CD8B2: variants seen among roughly 807,000 people sequenced by gnomAD.
CD8B2 encodes CD8B family member 2, also known as T-cell surface glycoprotein CD8 beta-2 chain.
In CD8B2, 11 loss-of-function variants were observed where a neutral mutation model predicts 23.7. That is an observed-to-expected ratio of 0.46 (90% CI 0.29 to 0.77). The LOEUF is 0.77. Ranked by LOEUF, CD8B2 falls within the 30% of genes least tolerant of loss-of-function variation. The probability of loss-of-function intolerance (pLI) is 0.09; values close to 1 mark genes in which losing one functional copy is unlikely to be tolerated. For synonymous variants in CD8B2, 90 were observed against 109.3 expected, an observed-to-expected ratio of 0.82 and a Z score of 1.10; for missense variants, 197 against 270.5, an observed-to-expected ratio of 0.73 and a Z score of 1.91.
intron 1 of CD8B2, among the ~76,000 whole-genome samples, chr2:106,488,865 T>G (rs1397623307): frequency 6.6e-6 from 1 of 151,846 alleles, no homozygotes. Context: ...CCCCAAGAAG[T>G]GAGTGACCCA....
intron 1 of CD8B2, among the ~76,000 whole-genome samples, chr2:106,488,807 A>G (rs1475216606): frequency 7.1e-6 from 1 of 141,058 alleles, no homozygotes. Flanking sequence ...TGTATGCGCC[A>G]TGCCAGGCAC....
intron 5 of CD8B2, among the ~76,000 whole-genome samples, chr2:106,534,526 A>G (rs1047328170): frequency 2.0e-5 from 3 of 152,224 alleles, no homozygotes; most frequent in African/African-American, 7.2e-5. Flanking sequence ...GCTGTTGTCA[A>G]TATTCACAAC....
chr2:106,537,803 T>C (rs1272672568), intron 5 of CD8B2, among the ~76,000 whole-genome samples: 1 of 152,148 alleles, frequency 6.6e-6, no homozygotes, highest in African/African-American at 2.4e-5. Flanking sequence ...GTTCTGAAGA[T>C]AAAGTTAGCA....
At chr2:106,520,868 TCAAAA>T (rs1250204054) in intron 5 of CD8B2, among the ~76,000 whole-genome samples, 1 of 148,478 alleles carries the variant, frequency 6.7e-6, no homozygotes, top group Non-Finnish European at 1.5e-5. Context: ...AGACTCTGTC[TCAAAA>T]CAAAACAAAA....
At chr2:106,504,476 A>T (rs918945525) in intron 5 of CD8B2, among the ~76,000 whole-genome samples, 151 bp downstream of exon 5, 5 of 152,024 alleles carry the variant, frequency 3.3e-5, no homozygotes, top group African/African-American at 1.2e-4. Context: ...AGTCACAGCT[A>T]CTCGGGAGCT....
chr2:106,505,992 G>A (rs1470318633), intron 5 of CD8B2, among the ~76,000 whole-genome samples: 1 of 152,136 alleles, frequency 6.6e-6, no homozygotes, highest in African/African-American at 2.4e-5. Context: ...AATTAACTGG[G>A]CGTGGTGGCG....
intron 5 of CD8B2, among the ~76,000 whole-genome samples, chr2:106,506,236 C>T (rs2078835111): frequency 6.6e-6 from 1 of 152,060 alleles, no homozygotes; most frequent in African/African-American, 2.4e-5. Context: ...GGTCTGTCCC[C>T]ACCCCTTCAT....
At chr2:106,490,451 C>A (rs1679171456) in intron 1 of CD8B2, among the ~76,000 whole-genome samples, 1 of 152,108 alleles carries the variant, frequency 6.6e-6, no homozygotes, top group South Asian at 2.1e-4. Flanking sequence ...AGATTGAGCC[C>A]AGGAGGTCAA....
At chr2:106,531,192 G>T (rs1389128428) in intron 5 of CD8B2, among the ~76,000 whole-genome samples, 34 of 152,106 alleles carry the variant, frequency 2.2e-4, no homozygotes, top group Non-Finnish European at 3.4e-4. Flanking sequence ...AGCAGAATTT[G>T]CTCTGCTCTT....
chr2:106,514,712 C>T (rs2104565149), downstream of CD8B2, among the ~76,000 whole-genome samples: 1 of 149,962 alleles, frequency 6.7e-6, no homozygotes, highest in East Asian at 2.0e-4. Flanking sequence ...CCCACCCTCT[C>T]CCCCACACTG....
At chr2:106,541,088 T>G (rs1002244890) in intron 5 of CD8B2, among the ~76,000 whole-genome samples, 8 of 152,018 alleles carry the variant, frequency 5.3e-5, no homozygotes, top group African/African-American at 1.9e-4. Flanking sequence ...GTGGGCAGGC[T>G]TGGTGGGCTG....
chr2:106,511,511 AAAG>A (rs1411034470), downstream of CD8B2, among the ~76,000 whole-genome samples: 4 of 147,288 alleles, frequency 2.7e-5, no homozygotes, highest in Non-Finnish European at 4.5e-5. Flanking sequence ...GGCCTGTTCA[AAAG>A]AAGAAGGGGG....
intron 5 of CD8B2, among the ~76,000 whole-genome samples, chr2:106,532,522 C>T (rs535402945): frequency 2.0e-5 from 3 of 152,312 alleles, no homozygotes; most frequent in South Asian, 4.2e-4. Context: ...AGAATGGCTG[C>T]TCCATAGGCA....
downstream of CD8B2, among the ~76,000 whole-genome samples, chr2:106,515,935 G>T (rs1679722689): frequency 6.6e-6 from 1 of 151,898 alleles, no homozygotes; most frequent in South Asian, 2.1e-4. Flanking sequence ...CGATTCTCCT[G>T]CCTCAGCCTC....
At chr2:106,495,763 T>C (rs1335290492) in intron 2 of CD8B2, among the ~76,000 whole-genome samples, 1 of 152,018 alleles carries the variant, frequency 6.6e-6, no homozygotes, top group Non-Finnish European at 1.5e-5. Context: ...TCATAAGGAC[T>C]TCAGTACTTG....
intron 2 of CD8B2, among the ~76,000 whole-genome samples, chr2:106,495,936 C>T (rs1679291037): frequency 1.3e-5 from 2 of 152,010 alleles, no homozygotes; most frequent in Admixed American, 6.5e-5. Flanking sequence ...GTAGCTGGGA[C>T]TGTAGGCATA....
At position 106,504,313 on chromosome 2, in the gene CD8B2, G is replaced by A. The variant is rs1399144895; in HGVS notation, c.608G>A (p.Arg203His). The A allele has an allele frequency of 4.4e-5, 69 of 1,554,580 alleles. No homozygotes were observed. The highest frequency in any genetic ancestry group is 5.3e-5 in the Non-Finnish European group (61 of 1,148,650). Residue 203 changes from arginine to histidine, a missense_variant, in exon 5 of 6, where the codon CGT becomes CAT. By Grantham distance (29) the Arg-to-His change is conservative. Around this residue, in one of 3 missense-constraint regions of CD8B2, gnomAD observed 22 missense variants for 23.4 expected, o/e 0.94. Coordinates refer to ENST00000643224, the MANE Select transcript of CD8B2 (RefSeq NM_001349727.2). ...LCCRRRRARLRFMKQFYK is the reference protein window; with the variant it reads ...LCCRRRRARLHFMKQFYK ...GGCCGGCGGAGGAGAGCCCGGCTTC[G>A]TTTCATGAAACAGTAAGTGTATAAC...
intron 5 of CD8B2, chr2:106,521,904 C>T (rs1333324122): frequency 2.0e-5 from 3 of 152,358 alleles, no homozygotes; most frequent in African/African-American, 4.8e-5. Flanking sequence ...TCTGGGCCAA[C>T]CATGGAGTGT....
chr2:106,514,265 T>C (rs1256443426), downstream of CD8B2, among the ~76,000 whole-genome samples: 3 of 146,250 alleles, frequency 2.1e-5, no homozygotes, highest in South Asian at 2.2e-4. Context: ...TTTGGTGGGG[T>C]GGGTGCAGGG....
Sources: gnomAD v4.1 joint callset for allele counts (sites outside exome capture counted in the v4.1 genomes callset) on GRCh38, gnomAD v4.1.1 for gene constraint, gnomAD v4.1.1 regional missense constraint, MANE v1.5 for transcripts, NCBI Gene and HGNC (gene_info 2026-07-23, HGNC 2026-07-21) for gene names.